The following SDAD1 variants were observed in gnomAD, a reference collection of about 807,000 sequenced individuals.
The protein encoded by SDAD1 is protein SDA1 homolog.
Under a neutral mutation model 100.3 loss-of-function variants are expected in SDAD1, and 79 were observed. The observed-to-expected ratio is 0.79, with a 90% CI of 0.66 to 0.95. SDAD1 has a LOEUF of 0.95. SDAD1 is among the 40% of genes least tolerant of loss of function. The pLI is 0.00. For missense variants in SDAD1, 790 were observed against 810.9 expected (o/e 0.97, Z 0.31); for synonymous variants, 267 against 271.4 (o/e 0.98, Z 0.16).
chr4:75,984,914 T>C (rs1730797964), intron 1 of SDAD1, among the ~76,000 whole-genome samples: 1 of 152,104 alleles, frequency 6.6e-6, no homozygotes, highest in South Asian at 2.1e-4. Flanking sequence ...ATCATAAACT[T>C]AGCATGGTCA....
chr4:75,972,163 A>T (rs1220579269), intron 8 of SDAD1, among the ~76,000 whole-genome samples: 1 of 151,884 alleles, frequency 6.6e-6, no homozygotes, highest in Non-Finnish European at 1.5e-5. Flanking sequence ...GTTTTGAACT[A>T]CTGACCTCAA....
rs748818656 is a variant in SDAD1 at position 75,964,205 on chromosome 4, G to C, written c.1111C>G (p.Gln371Glu). The stretch of plus-strand genomic sequence containing the variant: ...TTTGCCACAGTCATAAGCAATGATT[G>C]AATAATCTGAATTGGAAACAAAAAA... ...SHHLVPPEII[Q>E]SLLMTVANNF... is the part of the protein sequence containing the mutation. The change falls in exon 14 of 22, where the codon CAA becomes GAA. Residue 371 changes from glutamine (Q) to glutamate (E), a missense_variant. Physicochemically the swap from Gln to Glu is conservative, Grantham distance 29 (BLOSUM62 2). Transcript: ENST00000356260. 6.2e-7 allele frequency: 1 copy of C among 1,602,786 alleles called. No individual in the cohort carries two copies. The highest frequency in any genetic ancestry group is 2.3e-5 in the East Asian group (1 of 44,410).
chr4:75,950,530 T>C lies in SDAD1; in HGVS notation c.*220A>G. On this transcript the variant is annotated 3_prime_UTR_variant, in exon 22 of 22. Coordinates refer to ENST00000356260, the MANE Select transcript of SDAD1 (RefSeq NM_018115.4). ...TACATACTTTTTTTTGCATGAATGA[T>C]AAATGAAATGATTTTACATTACCAC... The C allele has an allele frequency of 4.3e-6, 2 of 460,024 alleles. No homozygotes were observed. The highest frequency in any genetic ancestry group is 8.1e-6 in the Non-Finnish European group (2 of 248,288). 28.5% of individuals were successfully genotyped at this position (460,024 alleles called of 1,614,324 possible).
In SDAD1 at chr4:75,972,656, T is replaced by TC. The variant is rs937598935; in HGVS notation, c.711+660_711+661insG. ...CTAAAATGGGGAAGGATAATTTTTT[T>TC]TTTTTTTTAGAAATTCTTATTTTAA... On this transcript the variant is annotated intron_variant, in intron 8 of 21. Transcript: ENST00000356260. 4.6e-5 allele frequency among the ~76,000 whole-genome samples: 7 copies of TC among 151,582 alleles called. No individual in the cohort carries two copies. In the East Asian group the frequency reaches 7.7e-4, roughly 17 times the overall value.
At chr4:75,956,410 T>G (rs1422207872) in intron 20 of SDAD1, among the ~76,000 whole-genome samples, 129 of 149,014 alleles carry the variant, frequency 8.7e-4, no homozygotes, top group Non-Finnish European at 1.6e-3. Context: ...TTTTTTTGTT[T>G]TTTTTTTTTT....
rs1731223729 is a variant in SDAD1, at chr4:75,990,817, G to A, written c.25C>T (p.Leu9Phe). ...TGTAACTGCGGCAGGTTGCTGGGAA[G>A]CTTGTTGTTGTTTCTGTTGGACATT... MSNRNNNK[L>F]PSNLPQLQNL... The change falls in exon 1 of 22, where the codon CTT (leucine) becomes TTT (phenylalanine). Residue 9 changes from leucine to phenylalanine, a missense_variant. Physicochemically the swap from Leu to Phe is conservative, Grantham distance 22. Transcript: ENST00000356260. 6.2e-7 allele frequency: 1 copy of A among 1,614,176 alleles called. No homozygotes were observed. Among genetic ancestry groups the A allele is most frequent in the Non-Finnish European group, 8.5e-7 (1 of 1,180,046 alleles).
chr4:75,973,371 T>C lies in SDAD1; in HGVS notation c.657A>G (p.Thr219=). 1 of 1,613,574 alleles carries C rather than the reference T, an allele frequency of 6.2e-7. No homozygotes were observed. The highest frequency in any genetic ancestry group is 1.7e-4 in the Middle Eastern group (1 of 6,032). The change falls in exon 8 of 22, where the codon ACA becomes ACG. Residue 219 remains threonine, a synonymous_variant. Transcript: ENST00000356260. ...KVTKILVAAL[T]FFLGKDEDEK... ...CATCTTCATCTTTCCCAAGAAAGAATGTCAAAGCGGCAACTAATATCTAAA... is the reference window on the plus strand; with the variant it reads ...CATCTTCATCTTTCCCAAGAAAGAACGTCAAAGCGGCAACTAATATCTAAA...
At chr4:75,969,273 G>GA in intron 11 of SDAD1, 23 bp downstream of exon 11, 1 of 1,565,858 alleles carries the variant, frequency 6.4e-7, no homozygotes, top group Non-Finnish European at 8.8e-7. Context: ...TATTCACCAA[G>GA]AGAAACATAA....
At chr4:75,982,376 A>C (rs190282233) in intron 1 of SDAD1, among the ~76,000 whole-genome samples, 17 of 152,160 alleles carry the variant, frequency 1.1e-4, no homozygotes, top group African/African-American at 4.1e-4. Flanking sequence ...TGCTGGGTGT[A>C]GTGGCTCACA....
chr4:75,973,430 G>A lies in SDAD1; in HGVS notation c.637-39C>T, dbSNP rs768576756. 105 of 1,432,974 alleles carry A rather than the reference G, an allele frequency of 7.3e-5. No individual in the cohort carries two copies. The East Asian group carries it at 1.4e-3, about 19-fold the overall frequency. 88.8% of individuals were successfully genotyped at this position (1,432,974 alleles called of 1,614,324 possible). ...AGAAAAAAGTCAGCTACTTGATTCA[G>A]CTTAAAATAAAGAATAAATCCTTTT... On this transcript the variant is annotated intron_variant, in intron 7 of 21. Transcript: ENST00000356260.
chr4:75,970,390 A>G lies in SDAD1; in HGVS notation c.814-12T>C, dbSNP rs1297400384. 6.2e-6 allele frequency: 10 copies of G among 1,603,342 alleles called. No individual in the cohort carries two copies. The highest frequency in any genetic ancestry group is 8.5e-6 in the Non-Finnish European group (10 of 1,170,492). ...TTCTTTTTTTGTTTCTGAAAGGGAG[A>G]GGAAAAACATTTTCAGTCTGAGTTA... On this transcript the variant is annotated splice_polypyrimidine_tract_variant and intron_variant, in intron 9 of 21. Transcript: ENST00000356260.
chr4:75,975,823 T>C lies in SDAD1; in HGVS notation c.499A>G (p.Thr167Ala), dbSNP rs1257504832. 1.2e-6 allele frequency: 2 copies of C among 1,613,948 alleles called. No homozygotes were observed. The highest frequency in any genetic ancestry group is 2.2e-5 in the East Asian group (1 of 44,856). The change falls in exon 6 of 22, where the codon ACC (threonine) becomes GCC (alanine). Residue 167 changes from threonine to alanine, a missense_variant. Transcript: ENST00000356260. ...VNVVLQNFMYTMLRDSNATAA... is the reference protein window; with the variant it reads ...VNVVLQNFMYAMLRDSNATAA... ...GTTGCATTGCTATCTCTTAACATGG[T>C]GTACATGAAATTTTGCAATACCTGC...
intron 4 of SDAD1, among the ~76,000 whole-genome samples, 179 bp from the exon 5 acceptor site, chr4:75,976,174 T>G (rs1472502220): frequency 2.0e-5 from 3 of 152,178 alleles, no homozygotes; most frequent in African/African-American, 7.2e-5. Flanking sequence ...AAAGCAAAGT[T>G]GTCCTCAAGA....
rs747730429 is a variant in SDAD1, at chr4:75,957,846, C to G, written c.1578+1G>C. The G allele has an allele frequency of 2.5e-6, 4 of 1,614,004 alleles. No individual in the cohort carries two copies. Among genetic ancestry groups the G allele is most frequent in the South Asian group, 1.1e-5 (1 of 91,078 alleles). On this transcript the variant is annotated splice_donor_variant, in intron 18 of 21. Transcript: ENST00000356260. LOFTEE classifies it high-confidence loss of function. The stretch of plus-strand genomic sequence containing the variant: ...TTATAAGATGAAATTTTCAGACTTA[C>G]GATTTCTTGCTGTTCTTCATCGGAA...
At chr4:75,990,713 A>G in intron 1 of SDAD1, 39 bp downstream of exon 1, 1 of 1,612,408 alleles carries the variant, frequency 6.2e-7, no homozygotes, top group African/African-American at 1.3e-5. Flanking sequence ...TCAACCATCC[A>G]CTATCCGGCC....
chr4:75,972,951 G>C (rs932027453), intron 8 of SDAD1, among the ~76,000 whole-genome samples: 4 of 151,946 alleles, frequency 2.6e-5, no homozygotes, highest in Admixed American at 2.0e-4. Flanking sequence ...AACCCGGGAG[G>C]CAGAGCTTGC....
At chr4:75,977,556 T>C (rs1730221700) in intron 4 of SDAD1, 90 bp downstream of exon 4, 1 of 832,280 alleles carries the variant, frequency 1.2e-6, no homozygotes, top group Non-Finnish European at 2.0e-6. Context: ...AAGTTATTAT[T>C]AACAATGTAA....
Position 75,961,121 on chromosome 4 carries a change from T to C in SDAD1, c.1280-17A>G, listed in dbSNP as rs1167520095. On this transcript the variant is annotated splice_polypyrimidine_tract_variant and intron_variant, in intron 15 of 21. Coordinates refer to ENST00000356260, the MANE Select transcript of SDAD1 (RefSeq NM_018115.4). ...TCATTACATCTGTAAAATAATACTT[T>C]TAATTAGAAATTCTGGCCCATAGAG... The C allele has an allele frequency of 1.2e-6, 2 of 1,612,998 alleles. No homozygotes were observed. Among genetic ancestry groups the C allele is most frequent in the African/African-American group, 2.7e-5 (2 of 75,020 alleles).
intron 1 of SDAD1, among the ~76,000 whole-genome samples, chr4:75,987,587 C>T (rs1012683958): frequency 2.0e-5 from 3 of 152,070 alleles, no homozygotes; most frequent in South Asian, 2.1e-4. Context: ...CTGCAACCTC[C>T]GCCTCCCAGG....
Sources: gnomAD v4.1 joint callset for allele counts (sites outside exome capture counted in the v4.1 genomes callset) on GRCh38, gnomAD v4.1.1 for gene constraint, MANE v1.5 for transcripts, NCBI Gene and HGNC (gene_info 2026-07-23, HGNC 2026-07-21) for gene names.